Variants in TUT4 observed in about 807,000 individuals in gnomAD.
TUT4 encodes the protein terminal uridylyltransferase 4.
In TUT4, 36 loss-of-function variants were observed where a neutral mutation model predicts 192.2. The ratio of observed to expected loss-of-function variants is 0.19; its 90% CI spans 0.14 to 0.25. TUT4 has a LOEUF of 0.25. Among genes scored for constraint, TUT4 ranks in the 10% least tolerant of loss-of-function variants. TUT4 has a pLI of 1.00. For missense variants in TUT4, 1,493 were observed against 1,957.2 expected, an observed-to-expected ratio of 0.76 and a Z score of 4.47; for synonymous variants, 618 against 666.0, an observed-to-expected ratio of 0.93 and a Z score of 1.11.
At chr1:52,509,997 T>A (rs1474983724) in intron 3 of TUT4, among the ~76,000 whole-genome samples, 1 of 152,134 alleles carries the variant, frequency 6.6e-6, no homozygotes, top group African/African-American at 2.4e-5. Flanking sequence ...TCACCTACTA[T>A]CATCTTTAGA....
chr1:52,515,901 C>T lies in TUT4; in HGVS notation c.872G>A (p.Arg291Gln), dbSNP rs200996250. 17 of 1,613,604 alleles carry T rather than the reference C, an allele frequency of 1.1e-5. No homozygotes were observed. In the East Asian group the frequency reaches 2.2e-4, roughly 21 times the overall value. Residue 291 changes from arginine (R) to glutamine (Q), a missense_variant, in exon 3 of 30, where the codon CGA becomes CAA. Physicochemically the swap from Arg to Gln is conservative, Grantham distance 43. Coordinates refer to ENST00000257177, the MANE Select transcript of TUT4 (RefSeq NM_001009881.3). Reference protein sequence around the residue: ...EERLERDHIFRLEKRSPEYTN... With the variant: ...EERLERDHIFQLEKRSPEYTN... ...AACAACATAGTATACTTTTTCAAGT[C>T]GAAAGATGTGATCTCTTTCTAAGCG...
chr1:52,437,035 C>T (rs1234684354), intron 25 of TUT4, 57 bp from the exon 26 acceptor site: 1 of 1,572,208 alleles, frequency 6.4e-7, no homozygotes, highest in East Asian at 2.2e-5. Context: ...ACAGAACAAA[C>T]TATGCAGGAC....
intron 16 of TUT4, chr1:52,462,667 C>A: frequency 2.1e-6 from 2 of 959,368 alleles, no homozygotes; most frequent in Non-Finnish European, 2.5e-6. Flanking sequence ...ACAAAATAAG[C>A]CTTTAAATCT....
chr1:52,543,463 C>T (rs191718946), intron 1 of TUT4, among the ~76,000 whole-genome samples: 9 of 151,200 alleles, frequency 6.0e-5, no homozygotes, highest in Admixed American at 5.9e-4. Flanking sequence ...CATTCTATGT[C>T]CACAGACCAA....
intron 11 of TUT4, 53 bp from the exon 12 acceptor site, chr1:52,477,935 A>G (rs533466196): frequency 1.4e-6 from 2 of 1,458,536 alleles, no homozygotes; most frequent in East Asian, 2.3e-5. Context: ...ATAAAAATCA[A>G]CAAATTTTCA....
At chr1:52,472,578 A>G (rs1448151260) in intron 13 of TUT4, among the ~76,000 whole-genome samples, 3 of 150,754 alleles carry the variant, frequency 2.0e-5, no homozygotes, top group African/African-American at 7.3e-5. Flanking sequence ...TTTATTATTA[A>G]ATTATTTAAT....
chr1:52,447,398 G>C (rs375069462), intron 20 of TUT4, among the ~76,000 whole-genome samples: 1 of 150,310 alleles, frequency 6.7e-6, no homozygotes, highest in Non-Finnish European at 1.5e-5. Context: ...GCAGTCAGCC[G>C]AGATCGTGCC....
Position 52,446,431 on chromosome 1 carries a change from T to C in TUT4, c.3525A>G (p.Leu1175=). Residue 1175 remains leucine (L), a synonymous_variant, in exon 22 of 30, where the codon TTA becomes TTG. Transcript: ENST00000257177. The part of the protein sequence containing the change: ...FDKTEELKKR[L]PSLGKNTESL... ...ATTCTGTGTTCTTTCCAAGTGAAGG[T>C]AAACGCTTTTTCTACATATAAAAAA... 6.3e-7 allele frequency: 1 copy of C among 1,587,482 alleles called. No homozygotes were observed. The highest frequency in any genetic ancestry group is 8.5e-7 in the Non-Finnish European group (1 of 1,173,222).
At chr1:52,463,936 T>A (rs41294514) in intron 16 of TUT4, among the ~76,000 whole-genome samples, 5,617 of 152,218 alleles carry the variant, frequency 0.037, 160 homozygotes, top group Middle Eastern at 0.15. Flanking sequence ...ATATTTCAGC[T>A]ACATTATGGG....
intron 4 of TUT4, among the ~76,000 whole-genome samples, chr1:52,502,989 T>C (rs563854765): frequency 1.3e-5 from 2 of 152,314 alleles, no homozygotes; most frequent in African/African-American, 2.4e-5. Context: ...GTACCCACTA[T>C]GGACCTGGCA....
chr1:52,550,831 G>A (rs1426773118), intron 1 of TUT4, among the ~76,000 whole-genome samples: 7 of 152,072 alleles, frequency 4.6e-5, no homozygotes, highest in Non-Finnish European at 2.9e-5. Context: ...TTGTTTCTCT[G>A]AAACTAGAAA....
intron 9 of TUT4, among the ~76,000 whole-genome samples, chr1:52,482,641 C>T (rs1044202530): frequency 6.6e-6 from 1 of 152,090 alleles, no homozygotes; most frequent in Non-Finnish European, 1.5e-5. Flanking sequence ...ACTTACGTTG[C>T]CCAGGCTGGT....
chr1:52,488,176 C>T (rs1446941558), intron 9 of TUT4, among the ~76,000 whole-genome samples: 1 of 152,182 alleles, frequency 6.6e-6, no homozygotes, highest in Non-Finnish European at 1.5e-5. Context: ...AGAGACTTCT[C>T]TATTTTTGCT....
intron 2 of TUT4, among the ~76,000 whole-genome samples, chr1:52,518,308 A>C (rs1017510642): frequency 3.3e-5 from 5 of 152,242 alleles, no homozygotes; most frequent in Non-Finnish European, 7.3e-5. Flanking sequence ...TGGGTGGCTT[A>C]AACAACAGAA....
At chr1:52,457,625 T>G (rs1302005137) in intron 20 of TUT4, among the ~76,000 whole-genome samples, 1 of 152,188 alleles carries the variant, frequency 6.6e-6, no homozygotes, top group African/African-American at 2.4e-5. Flanking sequence ...GCTTGTCTCC[T>G]AAATAAAAAT....
intron 2 of TUT4, among the ~76,000 whole-genome samples, chr1:52,520,076 A>T (rs940379915): frequency 1.3e-5 from 2 of 152,132 alleles, no homozygotes; most frequent in Non-Finnish European, 2.9e-5. Context: ...TTGGGGAATG[A>T]GTGTTTGACG....
chr1:52,510,030 G>A (rs936663174), intron 3 of TUT4, among the ~76,000 whole-genome samples: 6 of 151,926 alleles, frequency 3.9e-5, no homozygotes, highest in African/African-American at 1.5e-4. Flanking sequence ...AAAAGCAGTC[G>A]GGCTGAGTGT....
At chr1:52,445,329 C>T (rs902688294) in intron 24 of TUT4, among the ~76,000 whole-genome samples, 1 of 152,204 alleles carries the variant, frequency 6.6e-6, no homozygotes, top group South Asian at 2.1e-4. Context: ...ATTAGAGAAG[C>T]CCCAACAAAT....
chr1:52,447,325 T>G (rs1657807967), intron 20 of TUT4, among the ~76,000 whole-genome samples: 1 of 151,886 alleles, frequency 6.6e-6, no homozygotes, highest in Non-Finnish European at 1.5e-5. Flanking sequence ...GGCGTGCACC[T>G]GTAATCCCAT....
Sources: gnomAD v4.1 joint callset for allele counts (sites outside exome capture counted in the v4.1 genomes callset) on GRCh38, gnomAD v4.1.1 for gene constraint, MANE v1.5 for transcripts, NCBI Gene and HGNC (gene_info 2026-07-23, HGNC 2026-07-21) for gene names.